Variants in HDAC4 observed in about 807,000 individuals in gnomAD.
HDAC4 encodes histone deacetylase 4, also known as histone deacetylase A.
In HDAC4, 16 loss-of-function variants were observed where a neutral mutation model predicts 135.1. The observed-to-expected ratio is 0.12, with a 90% CI of 0.08 to 0.18. The LOEUF (loss-of-function observed/expected upper bound fraction) is 0.18, where lower values mean the gene tolerates loss of function less well. Among genes scored for constraint, HDAC4 ranks in the 10% least tolerant of loss-of-function variants. HDAC4 has a pLI of 1.00. For missense variants in HDAC4, 1,143 were observed against 1,511.8 expected (o/e 0.76, Z 4.05); for synonymous variants, 685 against 653.4 (o/e 1.05, Z -0.74).
intron 2 of HDAC4, among the ~76,000 whole-genome samples, chr2:239,268,915 A>G (rs1444395131): frequency 8.5e-5 from 13 of 152,228 alleles, no homozygotes; most frequent in Admixed American, 8.5e-4. Context: ...GGCGACATAG[A>G]AGAATGGAAT....
chr2:239,232,859 T>C (rs35971649), intron 3 of HDAC4, among the ~76,000 whole-genome samples: 3 of 48,954 alleles, frequency 6.1e-5, no homozygotes, highest in East Asian at 6.3e-4. Context: ...AAGCCAAGGG[T>C]GGCCCTTCCC....
At chr2:239,189,168 A>G (rs2044738412) in intron 4 of HDAC4, among the ~76,000 whole-genome samples, 1 of 152,214 alleles carries the variant, frequency 6.6e-6, no homozygotes, top group Non-Finnish European at 1.5e-5. Context: ...ACTCATGTAT[A>G]TTTCTATTAG....
At chr2:239,162,344 C>T in intron 6 of HDAC4, 1 of 456,702 alleles carries the variant, frequency 2.2e-6, no homozygotes, top group South Asian at 1.5e-5. Flanking sequence ...CCCACCCTGC[C>T]CCTGGCTCCT....
intron 1 of HDAC4, among the ~76,000 whole-genome samples, chr2:239,359,464 T>C (rs1693724849): frequency 6.6e-6 from 1 of 152,180 alleles, no homozygotes; most frequent in Non-Finnish European, 1.5e-5. Context: ...TCCTCTGCGC[T>C]GAGGGAAGCA....
At chr2:239,151,015 A>G (rs1223425719) in intron 7 of HDAC4, among the ~76,000 whole-genome samples, 1 of 152,246 alleles carries the variant, frequency 6.6e-6, no homozygotes, top group African/African-American at 2.4e-5. Context: ...ACCCCTCTCC[A>G]GCAGTTTCTG....
In HDAC4 at chr2:239,240,556, G is replaced by A. The variant is rs2048120892; in HGVS notation, c.23-3892C>T. 6.6e-6 allele frequency among the ~76,000 whole-genome samples: 1 copy of A among 152,182 alleles called. No homozygotes were observed. The highest frequency in any genetic ancestry group is 1.5e-5 in the Non-Finnish European group (1 of 68,030). On this transcript the variant is annotated intron_variant, in intron 2 of 26. Coordinates refer to ENST00000543185, the MANE Select transcript of HDAC4 (RefSeq NM_001378414.1). The surrounding 1 kb of genome is among the most constrained non-coding windows in gnomAD (Gnocchi z 4.5). Reference sequence around the variant, plus strand: ...ACCACTTCCTCATCACACGCCTGCTGCAAGCAGGTTCCCCCTTATCTGTCT... The same window carrying A: ...ACCACTTCCTCATCACACGCCTGCTACAAGCAGGTTCCCCCTTATCTGTCT...
At chr2:239,128,679 G>A (rs1158630368) in intron 11 of HDAC4, among the ~76,000 whole-genome samples, 3 of 152,220 alleles carry the variant, frequency 2.0e-5, no homozygotes, top group Admixed American at 6.5e-5. Flanking sequence ...TGCTGGAAAG[G>A]TCTCTCCTCG....
At chr2:239,110,062 G>A (rs2038533117) in intron 14 of HDAC4, among the ~76,000 whole-genome samples, 1 of 152,220 alleles carries the variant, frequency 6.6e-6, no homozygotes, top group African/African-American at 2.4e-5. Context: ...GGCTGAGAGT[G>A]TGAGGTACTA....
chr2:239,191,271 G>C (rs954852431), intron 3 of HDAC4, among the ~76,000 whole-genome samples: 55 of 152,196 alleles, frequency 3.6e-4, no homozygotes, highest in Admixed American at 3.5e-3. Flanking sequence ...AGCACCTTTG[G>C]GCGTGACCTT....
At chr2:239,190,178 G>GT in intron 3 of HDAC4, 101 bp from the exon 4 acceptor site, 1 of 1,438,362 alleles carries the variant, frequency 7.0e-7, no homozygotes, top group Non-Finnish European at 9.2e-7. Flanking sequence ...ACGGGGCGGG[G>GT]GGGGGGTTGT....
rs181637920 is a variant in HDAC4 at position 239,133,231 on chromosome 2, A to G, written c.1294+1014T>C. ...ACACCAAAATCCACCAGACTAGTCAAGCCAGAGGCCCAAGCCCACCCAAGC... is the reference window on the plus strand; with the variant it reads ...ACACCAAAATCCACCAGACTAGTCAGGCCAGAGGCCCAAGCCCACCCAAGC... On this transcript the variant is annotated intron_variant, in intron 11 of 26. Transcript: ENST00000543185. Among the ~76,000 whole-genome samples, 21 of 152,326 alleles carry G rather than the reference A, an allele frequency of 1.4e-4. No homozygotes were observed. The South Asian group carries it at 1.7e-3, about 12-fold the overall frequency.
rs1559406132 is a variant in HDAC4 at position 239,090,128 on chromosome 2, A to C, written c.2281-12T>G. On this transcript the variant is annotated splice_polypyrimidine_tract_variant and intron_variant, in intron 17 of 26. Coordinates refer to ENST00000543185, the MANE Select transcript of HDAC4 (RefSeq NM_001378414.1). ...GTGTCACTGTCCACCTGTGGAAACA[A>C]CACCCCACAGTGAGGTCACCCTCCC... The C allele has an allele frequency of 6.3e-7, 1 of 1,593,938 alleles. No homozygotes were observed. Among genetic ancestry groups the C allele is most frequent in the Non-Finnish European group, 8.6e-7 (1 of 1,162,102 alleles).
intron 9 of HDAC4, among the ~76,000 whole-genome samples, chr2:239,135,512 T>C (rs560810265): frequency 6.6e-6 from 1 of 152,348 alleles, no homozygotes; most frequent in African/African-American, 2.4e-5. Context: ...AACATGGTAA[T>C]ACCATCTTGG....
chr2:239,158,503 G>A (rs1447060834), intron 6 of HDAC4, among the ~76,000 whole-genome samples: 1 of 152,118 alleles, frequency 6.6e-6, no homozygotes, highest in South Asian at 2.1e-4. Context: ...TTACTATTCT[G>A]ATCTCTTGAG....
intron 7 of HDAC4, among the ~76,000 whole-genome samples, chr2:239,147,276 C>T (rs931081001): frequency 6.6e-6 from 1 of 152,236 alleles, no homozygotes. Flanking sequence ...CGGCTCACTG[C>T]CTGCTTTCAG....
chr2:239,210,438 G>A (rs1034764383), intron 3 of HDAC4, among the ~76,000 whole-genome samples: 20 of 152,200 alleles, frequency 1.3e-4, no homozygotes, highest in African/African-American at 4.8e-4. Context: ...ATACTTACAC[G>A]GCAAAACTAG....
intron 3 of HDAC4, among the ~76,000 whole-genome samples, chr2:239,229,231 C>T (rs1575467942): frequency 1.3e-5 from 2 of 152,194 alleles, no homozygotes; most frequent in East Asian, 3.8e-4. Context: ...ACTCTTAAAG[C>T]ATTTCTAAAT....
rs376735814 is a variant in HDAC4, at chr2:239,066,870, G to A, written c.2870-15C>T. The A allele has an allele frequency of 9.3e-6, 15 of 1,610,962 alleles. No individual in the cohort carries two copies. The highest frequency in any genetic ancestry group is 1.7e-5 in the Admixed American group (1 of 59,360). ...GTACCCGAAGCCTGCAACGGGAAACGGGAGACTGCAGTGTGAACGGGGGAG... is the reference window on the plus strand; with the variant it reads ...GTACCCGAAGCCTGCAACGGGAAACAGGAGACTGCAGTGTGAACGGGGGAG... On this transcript the variant is annotated splice_polypyrimidine_tract_variant and intron_variant, in intron 23 of 26. Transcript: ENST00000543185.
intron 2 of HDAC4, among the ~76,000 whole-genome samples, chr2:239,296,134 G>A (rs868764781): frequency 1.3e-5 from 2 of 152,228 alleles, no homozygotes; most frequent in Non-Finnish European, 2.9e-5. Flanking sequence ...CCAAACTGGA[G>A]CCTGCACAGG....
Sources: gnomAD v4.1 joint callset for allele counts (sites outside exome capture counted in the v4.1 genomes callset) on GRCh38, gnomAD v4.1.1 for gene constraint, Gnocchi (gnomAD v3.1) non-coding constraint, MANE v1.5 for transcripts, NCBI Gene and HGNC (gene_info 2026-07-23, HGNC 2026-07-21) for gene names.